The following TSPAN18 variants were observed in gnomAD, a reference collection of about 807,000 sequenced individuals.
TSPAN18 encodes tetraspanin 18.
A neutral mutation model predicts 27.3 loss-of-function variants in TSPAN18; 14 were observed. The observed-to-expected ratio is 0.51, with a 90% CI of 0.34 to 0.80. The LOEUF is 0.80. Among genes scored for constraint, TSPAN18 ranks in the 30% least tolerant of loss-of-function variants. The pLI, the probability that TSPAN18 is intolerant of heterozygous loss-of-function variation, is 0.01. For synonymous variants in TSPAN18, 143 were observed against 136.5 expected (o/e 1.05, Z -0.33); for missense variants, 268 against 323.9 (o/e 0.83, Z 1.32).
At chr11:44,845,243 G>T (rs1445203889) in intron 2 of TSPAN18, among the ~76,000 whole-genome samples, 9 of 152,228 alleles carry the variant, frequency 5.9e-5, no homozygotes, top group Non-Finnish European at 4.4e-5. Context: ...TCAATATGGG[G>T]TGAAATCATA....
chr11:44,792,460 C>T (rs931765208), intron 2 of TSPAN18, among the ~76,000 whole-genome samples: 3 of 152,246 alleles, frequency 2.0e-5, no homozygotes, highest in East Asian at 1.9e-4. Context: ...AGGGGCCTTG[C>T]GGGCACTTGA....
At chr11:44,813,424 G>A (rs1856760149) in intron 2 of TSPAN18, among the ~76,000 whole-genome samples, 1 of 152,202 alleles carries the variant, frequency 6.6e-6, no homozygotes, top group Admixed American at 6.5e-5. Flanking sequence ...TTAAAACGAT[G>A]TATATAAAGT....
At chr11:44,755,595 C>T (rs1369659384) in intron 1 of TSPAN18, among the ~76,000 whole-genome samples, 1 of 152,146 alleles carries the variant, frequency 6.6e-6, no homozygotes, top group East Asian at 1.9e-4. Context: ...TCCCTCTCCC[C>T]TGCCCCCACA....
intron 2 of TSPAN18, among the ~76,000 whole-genome samples, chr11:44,806,049 T>G (rs79099124): frequency 0.047 from 7,053 of 151,102 alleles, 186 homozygotes; most frequent in African/African-American, 0.065. Flanking sequence ...TCCTTTTTTT[T>G]TTTTTTTTGG....
intron 2 of TSPAN18, among the ~76,000 whole-genome samples, chr11:44,788,851 C>G (rs1439323899): frequency 6.6e-6 from 1 of 152,186 alleles, no homozygotes; most frequent in African/African-American, 2.4e-5. Context: ...GGTCATATGT[C>G]AGAGCTGATT....
In TSPAN18 at chr11:44,802,815, C is replaced by A. The variant is rs1681528579; in HGVS notation, c.-153+38303C>A. 2.6e-5 allele frequency among the ~76,000 whole-genome samples: 4 copies of A among 152,128 alleles called. No individual in the cohort carries two copies. The South Asian group carries it at 8.3e-4, about 32-fold the overall frequency. Reference sequence around the variant, plus strand: ...AAGCAAAATAATACAAAGGGCTTTACTAGAGAAGCCTTCCTTGGGGTCTGC... The same window carrying A: ...AAGCAAAATAATACAAAGGGCTTTAATAGAGAAGCCTTCCTTGGGGTCTGC... On this transcript the variant is annotated intron_variant, in intron 2 of 9. Coordinates refer to ENST00000520358, the MANE Select transcript of TSPAN18 (RefSeq NM_130783.5).
chr11:44,846,643 T>A (rs1418463779), intron 2 of TSPAN18, among the ~76,000 whole-genome samples: 1 of 152,080 alleles, frequency 6.6e-6, no homozygotes, highest in Non-Finnish European at 1.5e-5. Context: ...TGTGTGCACC[T>A]GTGCTGGGGC....
intron 3 of TSPAN18, among the ~76,000 whole-genome samples, chr11:44,882,192 T>C (rs1483262869): frequency 6.6e-6 from 1 of 152,042 alleles, no homozygotes; most frequent in African/African-American, 2.4e-5. Context: ...TAAAGCCGCC[T>C]CCCATTCCCC....
chr11:44,919,550 A>G (rs1446508100), intron 7 of TSPAN18: 1 of 609,604 alleles, frequency 1.6e-6, no homozygotes, highest in East Asian at 2.8e-5. Flanking sequence ...CATTATGATG[A>G]TGATAATAAC....
At chr11:44,919,444 C>G in intron 7 of TSPAN18, 132 bp downstream of exon 7, 1 of 795,370 alleles carries the variant, frequency 1.3e-6, no homozygotes, top group Non-Finnish European at 2.1e-6. Flanking sequence ...GAATCACCAT[C>G]CACGCAGCAT....
At chr11:44,914,885 G>C (rs993455417) in intron 5 of TSPAN18, among the ~76,000 whole-genome samples, 2 of 152,242 alleles carry the variant, frequency 1.3e-5, no homozygotes, top group Non-Finnish European at 2.9e-5. Flanking sequence ...ACTTGTCTTC[G>C]GGAAGGATGT....
At chr11:44,928,854 G>T (rs948475319) in intron 9 of TSPAN18, among the ~76,000 whole-genome samples, 1 of 152,212 alleles carries the variant, frequency 6.6e-6, no homozygotes, top group Non-Finnish European at 1.5e-5. Context: ...CCAGTGTAGG[G>T]AAGTGCTTTG....
chr11:44,868,504 A>G (rs1040406961), intron 3 of TSPAN18, among the ~76,000 whole-genome samples: 1 of 152,042 alleles, frequency 6.6e-6, no homozygotes, highest in Non-Finnish European at 1.5e-5. Context: ...TGGGAGCCCC[A>G]TGGAGAGGAG....
At chr11:44,782,626 C>T (rs557451768) in intron 2 of TSPAN18, among the ~76,000 whole-genome samples, 9 of 151,872 alleles carry the variant, frequency 5.9e-5, no homozygotes, top group African/African-American at 2.2e-4. Context: ...TCACTCCCAT[C>T]AGCTGTGTAC....
intron 2 of TSPAN18, among the ~76,000 whole-genome samples, chr11:44,825,362 C>T (rs974633078): frequency 2.6e-5 from 4 of 152,156 alleles, no homozygotes; most frequent in African/African-American, 9.7e-5. Flanking sequence ...AAGACTGAGG[C>T]CCCACCAGGT....
chr11:44,807,999 A>G (rs563833653), intron 2 of TSPAN18, among the ~76,000 whole-genome samples: 1 of 152,226 alleles, frequency 6.6e-6, no homozygotes, highest in East Asian at 1.9e-4. Context: ...AGAATGTGGG[A>G]CCCTGGGGTG....
intron 1 of TSPAN18, among the ~76,000 whole-genome samples, chr11:44,734,213 C>T (rs776206037): frequency 1.1e-4 from 16 of 152,182 alleles, no homozygotes; most frequent in African/African-American, 3.9e-4. Context: ...CCTGCAGAAC[C>T]ATGAGCCAAA....
intron 3 of TSPAN18, among the ~76,000 whole-genome samples, chr11:44,890,592 G>A (rs1222007342): frequency 1.3e-5 from 2 of 152,018 alleles, no homozygotes; most frequent in South Asian, 4.2e-4. Flanking sequence ...GCGTGGTGGC[G>A]GGCGCCTGTA....
chr11:44,929,143 A>ATCTT lies in TSPAN18; in HGVS notation c.714_717dup (p.Ala240LeufsTer16). 6.2e-7 allele frequency: 1 copy of ATCTT among 1,613,418 alleles called. No homozygotes were observed. The highest frequency in any genetic ancestry group is 8.5e-7 in the Non-Finnish European group (1 of 1,180,000). On this transcript the variant is annotated frameshift_variant, in exon 10 of 10. Coordinates refer to ENST00000520358, the MANE Select transcript of TSPAN18 (RefSeq NM_130783.5). LOFTEE classifies it high-confidence loss of function. ...TCTTTTTTTGCAGCTTTTCGCCATG[A>ATCTT]TCTTTGCCATGTGCCTCTTCCGGGG...
Sources: gnomAD v4.1 joint callset for allele counts (sites outside exome capture counted in the v4.1 genomes callset) on GRCh38, gnomAD v4.1.1 for gene constraint, MANE v1.5 for transcripts, NCBI Gene and HGNC (gene_info 2026-07-23, HGNC 2026-07-21) for gene names.